The following CAVIN2 variants were observed in gnomAD, a reference collection of about 807,000 sequenced individuals.
The protein encoded by CAVIN2 is caveolae associated protein 2.
CAVIN2 carries 13 observed loss-of-function variants against 11.7 expected under a neutral mutation model. The ratio of observed to expected loss-of-function variants is 1.11; its 90% CI spans 0.72 to 1.77. The LOEUF (loss-of-function observed/expected upper bound fraction) is 1.77. Ranked by LOEUF, CAVIN2 falls within the 40% of genes most tolerant of loss-of-function variation. The pLI is 0.00. For synonymous variants in CAVIN2, 237 were observed against 223.2 expected (o/e 1.06, Z -0.55); for missense variants, 549 against 542.9 (o/e 1.01, Z -0.11).
chr2:191,836,189 A>G lies in CAVIN2; in HGVS notation c.1012T>C (p.Ser338Pro). 6.2e-7 allele frequency: 1 copy of G among 1,614,110 alleles called. No homozygotes were observed. Among genetic ancestry groups the G allele is most frequent in the Non-Finnish European group, 8.5e-7 (1 of 1,180,026 alleles). ...QEEESFAEGH[S>P]EASLASALVE... is the part of the protein sequence containing the mutation. ...AGAGCGCTGGCGAGGGACGCTTCGG[A>G]ATGACCCTCTGCAAAGGACTCCTCT... is the stretch of plus-strand genomic sequence containing the variant. Residue 338 changes from serine to proline, a missense_variant, in exon 2 of 2, where the codon TCC (serine) becomes CCC (proline). Physicochemically the swap from Ser to Pro is moderately conservative, Grantham distance 74. Coordinates refer to ENST00000304141, the MANE Select transcript of CAVIN2 (RefSeq NM_004657.6).
Position 191,836,458 on chromosome 2 carries a change from C to T in CAVIN2, c.743G>A (p.Arg248His), listed in dbSNP as rs571084497. Reference protein sequence around the residue: ...KVDSLKKAFSRQNIEKKMNKL... With the variant: ...KVDSLKKAFSHQNIEKKMNKL... ...GTTCATCTTTTTCTCGATGTTCTGG[C>T]GAGAAAATGCTTTCTTGAGGCTATC... is the stretch of plus-strand genomic sequence containing the variant. The change falls in exon 2 of 2, where the codon CGC (arginine) becomes CAC (histidine). Residue 248 changes from arginine to histidine, a missense_variant. Arg to His is a conservative substitution (Grantham distance 29). Transcript: ENST00000304141. 5 of 1,614,130 alleles carry T rather than the reference C, an allele frequency of 3.1e-6. No homozygotes were observed. In the African/African-American group the frequency reaches 6.7e-5, roughly 22 times the overall value.
chr2:191,836,030 G>A lies in CAVIN2; in HGVS notation c.1171C>T (p.Gln391Ter). 2 of 1,614,210 alleles carry A rather than the reference G, an allele frequency of 1.2e-6. No individual in the cohort carries two copies. The highest frequency in any genetic ancestry group is 1.7e-6 in the Non-Finnish European group (2 of 1,180,044). Reference protein sequence around the residue: ...EEESVALEQAQKVRYEGSYAL... With the variant: ...EEESVALEQA ...TAGCTACCCTCATAGCGTACCTTCT[G>A]TGCCTGTTCCAGGGCCACTGACTCC... Residue 391 changes from glutamine (Q) to a stop codon, truncating the protein, a stop_gained, in exon 2 of 2, where the codon CAG becomes TAG. Coordinates refer to ENST00000304141, the MANE Select transcript of CAVIN2 (RefSeq NM_004657.6). LOFTEE classifies it low-confidence loss of function (END_TRUNC).
In CAVIN2 at chr2:191,839,875, T is replaced by G. The variant is rs73981762; in HGVS notation, c.484-3158A>C. Among the ~76,000 whole-genome samples, 19 of 152,332 alleles carry G rather than the reference T, an allele frequency of 1.2e-4. No individual in the cohort carries two copies. In the South Asian group the frequency reaches 3.5e-3, roughly 28 times the overall value. On this transcript the variant is annotated intron_variant, in intron 1 of 1. Transcript: ENST00000304141. ...GTGAATGTCCAAGCACATGTAGCTC[T>G]TACCTTTCCATAATGTTTGTTTGGA...
In CAVIN2 at chr2:191,834,473, A is replaced by G. The variant is rs1057161755; in HGVS notation, c.*1450T>C. The G allele has an allele frequency of 1.3e-5, 2 of 152,194 alleles. No homozygotes were observed. Among genetic ancestry groups the G allele is most frequent in the African/African-American group, 4.8e-5 (2 of 41,468 alleles). 9.4% of individuals were successfully genotyped at this position (152,194 alleles called of 1,614,324 possible). On this transcript the variant is annotated 3_prime_UTR_variant, in exon 2 of 2. Transcript: ENST00000304141. Reference sequence around the variant, plus strand: ...ATCCCTTTTATTAAAGACAAAGCACAGTTTGTTAATATTGTCTTGGATTAA... The same window carrying G: ...ATCCCTTTTATTAAAGACAAAGCACGGTTTGTTAATATTGTCTTGGATTAA...
At chr2:191,843,777 C>T (rs1263716977) in intron 1 of CAVIN2, among the ~76,000 whole-genome samples, 1 of 152,206 alleles carries the variant, frequency 6.6e-6, no homozygotes, top group Non-Finnish European at 1.5e-5. Flanking sequence ...TTCAGATCCA[C>T]TCAGTAATAT....
In CAVIN2 at chr2:191,835,010, G is replaced by T. The variant is rs1008761755; in HGVS notation, c.*913C>A. The stretch of plus-strand genomic sequence containing the variant: ...CAACATCCTTTTGAACTTCCTTAAA[G>T]AAATATTTGTAATGTCCTTTATTTA... On this transcript the variant is annotated 3_prime_UTR_variant, in exon 2 of 2. Transcript: ENST00000304141. 8 of 151,392 alleles carry T rather than the reference G, an allele frequency of 5.3e-5. No individual in the cohort carries two copies. Among genetic ancestry groups the T allele is most frequent in the Non-Finnish European group, 8.8e-5 (6 of 67,864 alleles). 9.4% of individuals were successfully genotyped at this position (151,392 alleles called of 1,614,324 possible).
Position 191,847,006 on chromosome 2 carries a change from A to G in CAVIN2, c.-81T>C. 6.6e-7 allele frequency: 1 copy of G among 1,510,550 alleles called. No homozygotes were observed. The highest frequency in any genetic ancestry group is 8.8e-7 in the Non-Finnish European group (1 of 1,137,194). 93.6% of individuals were successfully genotyped at this position (1,510,550 alleles called of 1,614,324 possible). On this transcript the variant is annotated 5_prime_UTR_variant, in exon 1 of 2. Coordinates refer to ENST00000304141, the MANE Select transcript of CAVIN2 (RefSeq NM_004657.6). ...GAAGTTGCGGTGGTGAGGGTGTAGGATGAGGCCCGCTGGTTGGAGCTCAGG... is the reference window on the plus strand; with the variant it reads ...GAAGTTGCGGTGGTGAGGGTGTAGGGTGAGGCCCGCTGGTTGGAGCTCAGG...
At chr2:191,841,021 T>C (rs1479863886) in intron 1 of CAVIN2, among the ~76,000 whole-genome samples, 1 of 152,224 alleles carries the variant, frequency 6.6e-6, no homozygotes, top group Non-Finnish European at 1.5e-5. Flanking sequence ...TTCTGATTTA[T>C]AGGTCTCTTT....
chr2:191,846,434 G>A lies in CAVIN2; in HGVS notation c.483+9C>T, dbSNP rs754653846. 2 of 1,605,930 alleles carry A rather than the reference G, an allele frequency of 1.2e-6. No individual in the cohort carries two copies. Among genetic ancestry groups the A allele is most frequent in the South Asian group, 1.1e-5 (1 of 89,538 alleles). ...AGCCCGCCTGTAAGGAGGCATAGGG[G>A]GAACTGACCTGGAAGATGAGCACTT... On this transcript the variant is annotated intron_variant, in intron 1 of 1. Coordinates refer to ENST00000304141, the MANE Select transcript of CAVIN2 (RefSeq NM_004657.6).
chr2:191,839,016 T>G (rs1306747903), intron 1 of CAVIN2, among the ~76,000 whole-genome samples: 1 of 152,210 alleles, frequency 6.6e-6, no homozygotes, highest in Non-Finnish European at 1.5e-5. Flanking sequence ...TGGATGGGTG[T>G]TACTAAAAGA....
Position 191,835,993 on chromosome 2 carries a change from G to A in CAVIN2, c.1208C>T (p.Ser403Phe). 6.2e-7 allele frequency: 1 copy of A among 1,614,192 alleles called. No homozygotes were observed. Among genetic ancestry groups the A allele is most frequent in the Non-Finnish European group, 8.5e-7 (1 of 1,180,048 alleles). Residue 403 changes from serine to phenylalanine, a missense_variant, in exon 2 of 2, where the codon TCC becomes TTC. Coordinates refer to ENST00000304141, the MANE Select transcript of CAVIN2 (RefSeq NM_004657.6). Reference protein sequence around the residue: ...VRYEGSYALTSEEAERSDGDP... With the variant: ...VRYEGSYALTFEEAERSDGDP... Reference sequence around the variant, plus strand: ...CCCATCGGAGCGCTCCGCCTCCTCGGATGTTAGCGCGTAGCTACCCTCATA... The same window carrying A: ...CCCATCGGAGCGCTCCGCCTCCTCGAATGTTAGCGCGTAGCTACCCTCATA...
intron 1 of CAVIN2, among the ~76,000 whole-genome samples, chr2:191,845,634 T>G (rs920267428): frequency 1.3e-5 from 2 of 152,222 alleles, no homozygotes; most frequent in African/African-American, 4.8e-5. Context: ...TGTCCCCAGA[T>G]AGCCTCTTGC....
Position 191,835,358 on chromosome 2 carries a change from C to T in CAVIN2, c.*565G>A, listed in dbSNP as rs1300957355. ...TTTTATAATCTCTTCATTTTTCCTT[C>T]GTTTGCAATAAAACAATGGTTTCTA... On this transcript the variant is annotated 3_prime_UTR_variant, in exon 2 of 2. Transcript: ENST00000304141. The T allele has an allele frequency of 2.6e-5, 4 of 152,102 alleles. No individual in the cohort carries two copies. The highest frequency in any genetic ancestry group is 1.9e-4 in the East Asian group (1 of 5,196). The allele number at this position is 152,102 out of a possible 1,614,324, so 9.4% of individuals were successfully genotyped here.
At chr2:191,844,864 A>G (rs1331427116) in intron 1 of CAVIN2, among the ~76,000 whole-genome samples, 1 of 152,200 alleles carries the variant, frequency 6.6e-6, no homozygotes, top group Non-Finnish European at 1.5e-5. Flanking sequence ...CCTCTACAAG[A>G]TAAATACTTT....
intron 1 of CAVIN2, among the ~76,000 whole-genome samples, chr2:191,840,381 C>T (rs1690076629): frequency 6.6e-6 from 1 of 152,202 alleles, no homozygotes; most frequent in Non-Finnish European, 1.5e-5. Flanking sequence ...CCCAAGAGAG[C>T]TGATTATTTA....
Position 191,836,691 on chromosome 2 carries a change from C to G in CAVIN2, c.510G>C (p.Val170=). 1 of 1,613,578 alleles carries G rather than the reference C, an allele frequency of 6.2e-7. No individual in the cohort carries two copies. The highest frequency in any genetic ancestry group is 8.5e-7 in the Non-Finnish European group (1 of 1,179,658). The change falls in exon 2 of 2, where the codon GTG becomes GTC. Residue 170 remains valine (V), a synonymous_variant. Transcript: ENST00000304141. ...FQEENEIPAS[V]FVKQPVSGAV... Reference sequence around the variant, plus strand: ...CACCGGAAACGGGCTGTTTCACAAACACGCTGGCAGGGATCTCATTTTCCT... The same window carrying G: ...CACCGGAAACGGGCTGTTTCACAAAGACGCTGGCAGGGATCTCATTTTCCT...
intron 1 of CAVIN2, among the ~76,000 whole-genome samples, chr2:191,837,942 A>G (rs1389211010): frequency 2.6e-5 from 4 of 152,168 alleles, no homozygotes; most frequent in African/African-American, 7.2e-5. Context: ...CCAGATATGA[A>G]CAAGAGATTT....
At position 191,836,458 on chromosome 2, in the gene CAVIN2, C is replaced by A; in HGVS notation, c.743G>T (p.Arg248Leu). 2.5e-6 allele frequency: 4 copies of A among 1,614,130 alleles called. No individual in the cohort carries two copies. Among genetic ancestry groups the A allele is most frequent in the Non-Finnish European group, 3.4e-6 (4 of 1,180,040 alleles). Residue 248 changes from arginine to leucine, a missense_variant, in exon 2 of 2, where the codon CGC (arginine) becomes CTC (leucine). Arg to Leu is a moderately radical substitution (Grantham distance 102, BLOSUM62 -2). Coordinates refer to ENST00000304141, the MANE Select transcript of CAVIN2 (RefSeq NM_004657.6). ...GTTCATCTTTTTCTCGATGTTCTGG[C>A]GAGAAAATGCTTTCTTGAGGCTATC... Reference protein sequence around the residue: ...KVDSLKKAFSRQNIEKKMNKL... With the variant: ...KVDSLKKAFSLQNIEKKMNKL...
Position 191,835,841 on chromosome 2 carries a change from G to T in CAVIN2, c.*82C>A. The T allele has an allele frequency of 7.3e-7, 1 of 1,374,216 alleles. No individual in the cohort carries two copies. The highest frequency in any genetic ancestry group is 9.9e-7 in the Non-Finnish European group (1 of 1,008,634). 85.1% of individuals were successfully genotyped at this position (1,374,216 alleles called of 1,614,324 possible). On this transcript the variant is annotated 3_prime_UTR_variant, in exon 2 of 2. Transcript: ENST00000304141. ...ACAGGAACGCAGGAGTGGGTGAGTC[G>T]TGCTGGAGATGTGCAAGAGTTTGTT...
Sources: allele counts gnomAD v4.1 joint callset (sites outside exome capture counted in the v4.1 genomes callset), GRCh38; gene constraint gnomAD v4.1.1; transcripts MANE v1.5; gene names NCBI Gene and HGNC (gene_info 2026-07-23, HGNC 2026-07-21).